Variants in TAFA1 observed in about 807,000 individuals in gnomAD.
TAFA1 encodes the protein TAFA chemokine like family member 1.
Under a neutral mutation model 18.5 loss-of-function variants are expected in TAFA1, and 4 were observed. The observed-to-expected ratio is 0.22, with a 90% CI of 0.11 to 0.49. The LOEUF is 0.49. Ranked by LOEUF, TAFA1 falls within the 20% of genes least tolerant of loss-of-function variation. The probability of loss-of-function intolerance (pLI) is 0.98; values close to 1 mark genes in which losing one functional copy is unlikely to be tolerated. For synonymous variants in TAFA1, 56 were observed against 55.2 expected, an observed-to-expected ratio of 1.01 and a Z score of -0.06; for missense variants, 147 against 169.0, an observed-to-expected ratio of 0.87 and a Z score of 0.72.
At chr3:68,528,502 T>A (rs746263228) in intron 3 of TAFA1, among the ~76,000 whole-genome samples, 212 of 152,204 alleles carry the variant, frequency 1.4e-3, no homozygotes, top group Non-Finnish European at 2.1e-3. Context: ...TAATTTCCTG[T>A]TTGCTTTGAT....
chr3:68,304,662 A>G (rs1325085233), intron 2 of TAFA1, among the ~76,000 whole-genome samples: 1 of 152,244 alleles, frequency 6.6e-6, no homozygotes, highest in Non-Finnish European at 1.5e-5. Context: ...AATATAATAG[A>G]AAAATACTTA....
chr3:68,268,281 A>G (rs1210342597), intron 2 of TAFA1, among the ~76,000 whole-genome samples: 2 of 152,148 alleles, frequency 1.3e-5, no homozygotes, highest in Non-Finnish European at 2.9e-5. Context: ...AAGAGGAGAG[A>G]GAGCACCATT....
intron 2 of TAFA1, among the ~76,000 whole-genome samples, chr3:68,344,557 T>C (rs2106760308): frequency 6.6e-6 from 1 of 151,900 alleles, no homozygotes; most frequent in East Asian, 1.9e-4. Context: ...AACATAGGAG[T>C]TCATTATTCT....
chr3:68,445,722 A>C (rs1414034512), intron 3 of TAFA1, among the ~76,000 whole-genome samples: 1 of 152,126 alleles, frequency 6.6e-6, no homozygotes. Flanking sequence ...CCTCATCTTC[A>C]AAGTTTCTTC....
At position 68,243,445 on chromosome 3, in the gene TAFA1, C is replaced by T. The variant is rs376348861; in HGVS notation, c.119-173835C>T. The stretch of plus-strand genomic sequence containing the variant: ...TTGCCACAGGGCTTCCTTAAGCTAC[C>T]CCTTCATAGCCATACCTACACCTCC... On this transcript the variant is annotated intron_variant, in intron 2 of 4. Transcript: ENST00000478136. Among the ~76,000 whole-genome samples the T allele has an allele frequency of 3.3e-5, 5 of 152,124 alleles. No homozygotes were observed. The East Asian group carries it at 7.8e-4, about 24-fold the overall frequency.
intron 2 of TAFA1, among the ~76,000 whole-genome samples, chr3:68,017,951 G>A (rs1010343020): frequency 7.2e-6 from 1 of 139,470 alleles, no homozygotes; most frequent in African/African-American, 2.7e-5. Flanking sequence ...GGACTTTGAA[G>A]GTTGGGTAGG....
intron 2 of TAFA1, among the ~76,000 whole-genome samples, chr3:68,071,325 C>G (rs1462751694): frequency 6.6e-6 from 1 of 152,198 alleles, no homozygotes; most frequent in Non-Finnish European, 1.5e-5. Context: ...GACTTTTTCA[C>G]TATCATGAGA....
At chr3:68,186,589 T>C (rs1346263787) in intron 2 of TAFA1, among the ~76,000 whole-genome samples, 1 of 152,068 alleles carries the variant, frequency 6.6e-6, no homozygotes, top group Non-Finnish European at 1.5e-5. Context: ...ATGATTAATA[T>C]ATGAGAAGAA....
chr3:68,451,118 T>G (rs1031190181), intron 3 of TAFA1, among the ~76,000 whole-genome samples: 3 of 152,194 alleles, frequency 2.0e-5, no homozygotes, highest in Non-Finnish European at 4.4e-5. Flanking sequence ...ACAAATAGGG[T>G]AGCCCAGTTT....
intron 3 of TAFA1, among the ~76,000 whole-genome samples, chr3:68,529,360 A>C (rs1360037765): frequency 8.1e-5 from 12 of 148,052 alleles, no homozygotes; most frequent in Admixed American, 1.4e-4. Context: ...CTTACACACT[A>C]CACCAATGCA....
intron 2 of TAFA1, among the ~76,000 whole-genome samples, chr3:68,272,022 C>T (rs2067685872): frequency 6.6e-6 from 1 of 152,080 alleles, no homozygotes; most frequent in African/African-American, 2.4e-5. Flanking sequence ...TTCTCTTTCC[C>T]CGATCCTATT....
intron 2 of TAFA1, among the ~76,000 whole-genome samples, chr3:68,291,006 G>C (rs908440596): frequency 6.6e-6 from 1 of 151,848 alleles, no homozygotes; most frequent in Non-Finnish European, 1.5e-5. Context: ...CTGTAGAATG[G>C]GGGAAAATAA....
chr3:68,101,814 C>T (rs1239789632), intron 2 of TAFA1, among the ~76,000 whole-genome samples: 1 of 152,058 alleles, frequency 6.6e-6, no homozygotes, highest in Non-Finnish European at 1.5e-5. Context: ...CAAATTCCTC[C>T]TATATCCAAG....
At chr3:68,411,234 G>A (rs535828453) in intron 2 of TAFA1, among the ~76,000 whole-genome samples, 9 of 152,260 alleles carry the variant, frequency 5.9e-5, no homozygotes, top group African/African-American at 2.2e-4. Flanking sequence ...CCCAAGTAAA[G>A]GTGGGCTCTT....
intron 3 of TAFA1, among the ~76,000 whole-genome samples, chr3:68,431,157 G>A (rs1056632894): frequency 2.0e-5 from 3 of 151,796 alleles, no homozygotes; most frequent in African/African-American, 7.3e-5. Flanking sequence ...TGAAATCTGG[G>A]GTAGTATAGT....
intron 2 of TAFA1, among the ~76,000 whole-genome samples, chr3:68,387,260 A>C (rs530498577): frequency 6.6e-6 from 1 of 152,224 alleles, no homozygotes; most frequent in East Asian, 1.9e-4. Context: ...CACAGATCTG[A>C]CATTCTCTAT....
At chr3:68,233,794 C>T (rs1366060342) in intron 2 of TAFA1, among the ~76,000 whole-genome samples, 1 of 151,982 alleles carries the variant, frequency 6.6e-6, no homozygotes, top group Non-Finnish European at 1.5e-5. Flanking sequence ...CTGTCTATAC[C>T]AGAAGGACCT....
At chr3:68,280,604 G>A (rs1220359553) in intron 2 of TAFA1, among the ~76,000 whole-genome samples, 2 of 151,798 alleles carry the variant, frequency 1.3e-5, no homozygotes, top group Non-Finnish European at 2.9e-5. Context: ...ACCATGCATT[G>A]AGTGGACTTT....
intron 2 of TAFA1, among the ~76,000 whole-genome samples, chr3:68,039,212 A>AT (rs1346557941): frequency 6.6e-6 from 1 of 152,180 alleles, no homozygotes; most frequent in African/African-American, 2.4e-5. Context: ...TATTGTTGAA[A>AT]TCTTAGATTT....
Sources: allele counts gnomAD v4.1 joint callset (sites outside exome capture counted in the v4.1 genomes callset), GRCh38; gene constraint gnomAD v4.1.1; transcripts MANE v1.5; gene names NCBI Gene and HGNC (gene_info 2026-07-23, HGNC 2026-07-21).